Variants in NADSYN1 observed in about 807,000 individuals in gnomAD.
The protein encoded by NADSYN1 is NAD synthetase 1.
Under a neutral mutation model 99.3 loss-of-function variants are expected in NADSYN1, and 80 were observed. The ratio of observed to expected loss-of-function variants is 0.81; its 90% confidence interval spans 0.67 to 0.97. The LOEUF (loss-of-function observed/expected upper bound fraction) is 0.97. Ranked by LOEUF, NADSYN1 falls within the 50% of genes least tolerant of loss-of-function variation. The probability of loss-of-function intolerance (pLI) is 0.00; values close to 1 mark genes in which losing one functional copy is unlikely to be tolerated. For missense variants in NADSYN1, 859 were observed against 948.5 expected, an observed-to-expected ratio of 0.91 and a Z score of 1.24; for synonymous variants, 385 against 372.1, an observed-to-expected ratio of 1.03 and a Z score of -0.40.
chr11:71,492,184 G>A (rs1340095141), intron 18 of NADSYN1, among the ~76,000 whole-genome samples: 1 of 152,174 alleles, frequency 6.6e-6, no homozygotes, highest in Non-Finnish European at 1.5e-5. Context: ...AGGCAGGAGG[G>A]GCATCTCTGC....
intron 9 of NADSYN1, 182 bp downstream of exon 9, chr11:71,474,708 C>T: frequency 1.6e-6 from 1 of 640,290 alleles, no homozygotes. Flanking sequence ...TGGAGAAGCC[C>T]CCGGGGGTCC....
At chr11:71,481,637 A>G in intron 12 of NADSYN1, 1 of 606,912 alleles carries the variant, frequency 1.6e-6, no homozygotes, top group East Asian at 2.7e-5. Context: ...GCCCATCAGC[A>G]TTCAGGGTCA....
rs1188892400 is a variant in NADSYN1, at chr11:71,498,290, A to G, written c.1894-62A>G. The G allele has an allele frequency of 2.5e-6, 4 of 1,584,208 alleles. No homozygotes were observed. In the South Asian group the frequency reaches 3.4e-5, roughly 14 times the overall value. On this transcript the variant is annotated intron_variant, in intron 19 of 20. Coordinates refer to ENST00000319023, the MANE Select transcript of NADSYN1 (RefSeq NM_018161.5). ...TTTGCTTGTATGATCCAGCATGGGA[A>G]TTCCGGCCTGGGGTCTCTCCAGTTT...
rs1241583931 is a variant in NADSYN1 at position 71,458,462 on chromosome 11, G to T, written c.181G>T (p.Asp61Tyr). The T allele has an allele frequency of 6.2e-7, 1 of 1,613,916 alleles. No individual in the cohort carries two copies. The highest frequency in any genetic ancestry group is 8.5e-7 in the Non-Finnish European group (1 of 1,179,928). Residue 61 changes from aspartate to tyrosine, a missense_variant, in exon 3 of 21, where the codon GAC (aspartate) becomes TAC (tyrosine). Physicochemically the swap from Asp to Tyr is radical, Grantham distance 160. Coordinates refer to ENST00000319023, the MANE Select transcript of NADSYN1 (RefSeq NM_018161.5). ...ATGTTGGGATCATTATTACGAGTCG[G>T]ACACCCTCTTGCACTCGTTTCAAGT... is the stretch of plus-strand genomic sequence containing the variant. ...YGCWDHYYES[D>Y]TLLHSFQVLA... is the part of the protein sequence containing the mutation.
At position 71,458,600 on chromosome 11, in the gene NADSYN1, G is replaced by T. The variant is rs1403775741; in HGVS notation, c.263+56G>T. 4.6e-6 allele frequency: 6 copies of T among 1,300,914 alleles called. No individual in the cohort carries two copies. In the East Asian group the frequency reaches 1.4e-4, roughly 30 times the overall value. 80.6% of individuals were successfully genotyped at this position (1,300,914 alleles called of 1,614,324 possible). Reference sequence around the variant, plus strand: ...ACCTGGGACAAAGGCAAGCTCAAGGGCATGACCCACCCAACCGGCCTCCAT... The same window carrying T: ...ACCTGGGACAAAGGCAAGCTCAAGGTCATGACCCACCCAACCGGCCTCCAT... On this transcript the variant is annotated intron_variant, in intron 3 of 20. Transcript: ENST00000319023.
At chr11:71,485,973 C>T (rs1343989402) in intron 16 of NADSYN1, among the ~76,000 whole-genome samples, 1 of 152,188 alleles carries the variant, frequency 6.6e-6, no homozygotes, top group Non-Finnish European at 1.5e-5. Context: ...TTAAGTCATT[C>T]CTTTGCAGCT....
chr11:71,486,279 GCATCCATCTATCCATCCATCAGTTGGGC>G (rs1471108177), intron 16 of NADSYN1, among the ~76,000 whole-genome samples: 90 of 152,236 alleles, frequency 5.9e-4, no homozygotes, highest in African/African-American at 1.9e-3. Flanking sequence ...GTTTGTCTAT[GCATCCATCTATCCATCCATCAGTTGGGC>G]CATCCATCTA....
rs150126660 is a variant in NADSYN1 at position 71,464,022 on chromosome 11, G to T, written c.318-31G>T. On this transcript the variant is annotated intron_variant, in intron 4 of 20. Transcript: ENST00000319023. The stretch of plus-strand genomic sequence containing the variant: ...AGTGGCACGTTCATCTCAGGAGCCC[G>T]GTGTGCACAGCCCTGTTCCCCTGTC... 9.0e-5 allele frequency: 140 copies of T among 1,561,700 alleles called. No individual in the cohort carries two copies. In the East Asian group the frequency reaches 2.9e-3, roughly 32 times the overall value.
chr11:71,484,441 T>C lies in NADSYN1; in HGVS notation c.1449T>C (p.Asn483=), dbSNP rs775569872. Residue 483 remains asparagine, a synonymous_variant, in exon 15 of 21, where the codon AAT becomes AAC. Coordinates refer to ENST00000319023, the MANE Select transcript of NADSYN1 (RefSeq NM_018161.5). ...GSSRENLALQ[N]VQARIRMVLA... ...GCAGGGAAAACCTGGCGCTGCAAAA[T>C]GTGCAGGTGCCCCCGCCTGGGCCGG... 5.6e-6 allele frequency: 9 copies of C among 1,613,348 alleles called. No homozygotes were observed. Among genetic ancestry groups the C allele is most frequent in the Admixed American group, 3.3e-5 (2 of 59,968 alleles).
chr11:71,476,060 C>T (rs1949663486), intron 9 of NADSYN1: 1 of 456,150 alleles, frequency 2.2e-6, no homozygotes, highest in Non-Finnish European at 4.4e-6. Flanking sequence ...GCTATTATTG[C>T]CACAAATGGA....
At chr11:71,492,892 T>G (rs913619645) in intron 18 of NADSYN1, among the ~76,000 whole-genome samples, 4 of 151,996 alleles carry the variant, frequency 2.6e-5, no homozygotes, top group African/African-American at 9.7e-5. Context: ...TCTAAATTTT[T>G]TTTTTTTTTT....
At position 71,455,250 on chromosome 11, in the gene NADSYN1, G is replaced by C. The variant is rs1949505335; in HGVS notation, c.146+80G>C. On this transcript the variant is annotated intron_variant, in intron 2 of 20. Coordinates refer to ENST00000319023, the MANE Select transcript of NADSYN1 (RefSeq NM_018161.5). ...TTTCCCCAGCTGAGAAGGCAAGGAA[G>C]GAGCAGGGACAGTCCTGAGAGCTGT... The C allele has an allele frequency of 3.9e-6, 5 of 1,272,014 alleles. No individual in the cohort carries two copies. The South Asian group carries it at 6.2e-5, about 16-fold the overall frequency. 78.8% of individuals were successfully genotyped at this position (1,272,014 alleles called of 1,614,324 possible). A position where few individuals can be genotyped will look rare whatever the true frequency, so the allele number is the denominator to read the frequency against.
intron 18 of NADSYN1, among the ~76,000 whole-genome samples, chr11:71,494,931 C>G (rs1949809595): frequency 6.6e-6 from 1 of 151,992 alleles, no homozygotes; most frequent in Non-Finnish European, 1.5e-5. Context: ...ACTCTTTTTT[C>G]TTGGTCATTT....
chr11:71,459,363 G>A (rs1029838611), intron 3 of NADSYN1, among the ~76,000 whole-genome samples: 2 of 148,784 alleles, frequency 1.3e-5, no homozygotes, highest in South Asian at 2.2e-4. Flanking sequence ...CTCTGCTCAC[G>A]CTGTGCTGGT....
intron 1 of NADSYN1, among the ~76,000 whole-genome samples, chr11:71,454,592 T>TGG (rs542119568): frequency 6.6e-6 from 1 of 151,504 alleles, no homozygotes; most frequent in Non-Finnish European, 1.5e-5. Context: ...TGAAGAAGGC[T>TGG]TGGCCAAAAC....
intron 9 of NADSYN1, 42 bp downstream of exon 9, chr11:71,474,568 T>C (rs754712393): frequency 1.9e-6 from 3 of 1,612,790 alleles, no homozygotes; most frequent in Non-Finnish European, 2.5e-6. Context: ...GGGTTCTCTG[T>C]GCAGAGACCG....
At chr11:71,493,771 A>AAG (rs1949800346) in intron 18 of NADSYN1, among the ~76,000 whole-genome samples, 1 of 152,198 alleles carries the variant, frequency 6.6e-6, no homozygotes, top group African/African-American at 2.4e-5. Flanking sequence ...TGTGTGTGGC[A>AAG]GCTGACAATG....
Position 71,471,679 on chromosome 11 carries a change from A to G in NADSYN1, c.408-770A>G, listed in dbSNP as rs574852984. On this transcript the variant is annotated intron_variant, in intron 5 of 20. Coordinates refer to ENST00000319023, the MANE Select transcript of NADSYN1 (RefSeq NM_018161.5). Reference sequence around the variant, plus strand: ...GGGTGAATGGAGTGCTCAATATGGGATGGCGAGGCAGCCTGCAGTTCTGTA... The same window carrying G: ...GGGTGAATGGAGTGCTCAATATGGGGTGGCGAGGCAGCCTGCAGTTCTGTA... Among the ~76,000 whole-genome samples, 25 of 152,290 alleles carry G rather than the reference A, an allele frequency of 1.6e-4. No individual in the cohort carries two copies. The South Asian group carries it at 5.0e-3, about 30-fold the overall frequency.
Position 71,455,153 on chromosome 11 carries a change from A to T in NADSYN1, c.129A>T (p.Gly43=), listed in dbSNP as rs777486827. The change falls in exon 2 of 21, where the codon GGA becomes GGT. Residue 43 remains glycine, a synonymous_variant. Transcript: ENST00000319023. ...ACAGAGGAGCAAGATACAGGCTTGGACCAGAGCTGGAAATATGGTGAGAAC... is the reference window on the plus strand; with the variant it reads ...ACAGAGGAGCAAGATACAGGCTTGGTCCAGAGCTGGAAATATGGTGAGAAC... The part of the protein sequence containing the change: ...AKNRGARYRL[G]PELEICGYGC... 6.8e-6 allele frequency: 11 copies of T among 1,613,960 alleles called. No individual in the cohort carries two copies. The highest frequency in any genetic ancestry group is 9.3e-6 in the Non-Finnish European group (11 of 1,179,928).
Sources: allele counts gnomAD v4.1 joint callset (sites outside exome capture counted in the v4.1 genomes callset), GRCh38; gene constraint gnomAD v4.1.1; transcripts MANE v1.5; gene names NCBI Gene and HGNC (gene_info 2026-07-23, HGNC 2026-07-21).